Variants in WDFY4 observed in about 807,000 individuals in gnomAD.
WDFY4 encodes WDFY family member 4, also known as WD repeat- and FYVE domain-containing protein 4.
Under a neutral mutation model 351.9 loss-of-function variants are expected in WDFY4, and 169 were observed. That is an observed-to-expected ratio of 0.48 (90% CI 0.42 to 0.55). WDFY4 has a LOEUF of 0.55. Among genes scored for constraint, WDFY4 ranks in the 20% least tolerant of loss-of-function variants. WDFY4 has a pLI of 0.00. For synonymous variants in WDFY4, 1,622 were observed against 1,574.6 expected (o/e 1.03, Z -0.71); for missense variants, 3,803 against 3,935.6 (o/e 0.97, Z 0.90).
chr10:48,888,617 G>A (rs1189965411), intron 43 of WDFY4, among the ~76,000 whole-genome samples: 1 of 152,084 alleles, frequency 6.6e-6, no homozygotes, highest in African/African-American at 2.4e-5. Context: ...AGGTACCTAA[G>A]ACCACCTATG....
At chr10:48,703,876 T>A (rs1352238762) in intron 1 of WDFY4, among the ~76,000 whole-genome samples, 3 of 152,086 alleles carry the variant, frequency 2.0e-5, no homozygotes, top group Non-Finnish European at 4.4e-5. Context: ...ATGCTATGTA[T>A]CCCTGCAGGG....
chr10:48,791,959 T>C (rs2050765638), intron 23 of WDFY4, among the ~76,000 whole-genome samples: 1 of 152,190 alleles, frequency 6.6e-6, no homozygotes, highest in Admixed American at 6.5e-5. Flanking sequence ...ATCACATATC[T>C]GGTGGTGTCC....
At chr10:48,768,025 T>G (rs1250786375) in intron 13 of WDFY4, among the ~76,000 whole-genome samples, 1 of 152,120 alleles carries the variant, frequency 6.6e-6, no homozygotes, top group Non-Finnish European at 1.5e-5. Context: ...TGGGGACTGT[T>G]GTACCAGGGC....
chr10:48,949,252 C>A (rs912668203), intron 51 of WDFY4, among the ~76,000 whole-genome samples: 1 of 152,222 alleles, frequency 6.6e-6, no homozygotes, highest in Admixed American at 6.5e-5. Context: ...CACTTTCTTA[C>A]TTTTAAATGA....
intron 30 of WDFY4, among the ~76,000 whole-genome samples, chr10:48,811,918 C>T (rs1318002105): frequency 6.6e-6 from 1 of 152,196 alleles, no homozygotes; most frequent in East Asian, 1.9e-4. Context: ...GGCCTCTGCT[C>T]CCATCCTTCC....
chr10:48,729,753 T>A (rs915740357), intron 8 of WDFY4, among the ~76,000 whole-genome samples, 164 bp downstream of exon 8: 5 of 152,144 alleles, frequency 3.3e-5, no homozygotes, highest in Non-Finnish European at 7.4e-5. Flanking sequence ...TGGGACTTAG[T>A]GGAAACATTG....
chr10:48,906,392 C>T (rs966893872), intron 47 of WDFY4, among the ~76,000 whole-genome samples: 4 of 152,152 alleles, frequency 2.6e-5, no homozygotes, highest in Non-Finnish European at 5.9e-5. Flanking sequence ...TAAGAAGGCT[C>T]TCTGGGCCTG....
chr10:48,867,440 G>T, intron 40 of WDFY4, 98 bp downstream of exon 40: 1 of 685,140 alleles, frequency 1.5e-6, no homozygotes. Flanking sequence ...GTTCTGGATT[G>T]CTCACCAGGC....
intron 47 of WDFY4, among the ~76,000 whole-genome samples, chr10:48,922,567 T>C (rs1839184541): frequency 6.6e-6 from 1 of 152,232 alleles, no homozygotes; most frequent in South Asian, 2.1e-4. Context: ...TCTCTTACGG[T>C]GCCTAACTCG....
At chr10:48,705,842 C>T (rs1283095781) in intron 1 of WDFY4, among the ~76,000 whole-genome samples, 1 of 152,194 alleles carries the variant, frequency 6.6e-6, no homozygotes, top group East Asian at 1.9e-4. Flanking sequence ...CCATATTCTG[C>T]CTGATGCTCA....
At chr10:48,787,971 TCTTCTTCTTCTTCTCCTTCTC>T (rs2066537318) in intron 20 of WDFY4, among the ~76,000 whole-genome samples, 11 of 92,350 alleles carry the variant, frequency 1.2e-4, no homozygotes, top group Non-Finnish European at 2.1e-4. Context: ...TTCTTCTTCT[TCTTCTTCTTCTTCTCCTTCTC>T]CTTCTCCTTC....
intron 39 of WDFY4, among the ~76,000 whole-genome samples, chr10:48,856,507 G>A (rs2133202233): frequency 6.6e-6 from 1 of 152,052 alleles, no homozygotes. Context: ...TTAAGTTCTG[G>A]AGTTCTGGTG....
At chr10:48,697,814 C>G (rs73304269) in intron 1 of WDFY4, among the ~76,000 whole-genome samples, 38 of 152,300 alleles carry the variant, frequency 2.5e-4, no homozygotes, top group African/African-American at 8.9e-4. Flanking sequence ...ACCCAGAATG[C>G]CAGGTCTAAC....
At position 48,919,468 on chromosome 10, in the gene WDFY4, G is replaced by C. The variant is rs193146289; in HGVS notation, c.7586+17605G>C. ...TTCTATCAAACATTTAAAGAAGACT[G>C]TCTTGGTCCACTCAGGCTACTATAA... On this transcript the variant is annotated intron_variant, in intron 47 of 61. Transcript: ENST00000325239. Among the ~76,000 whole-genome samples the C allele has an allele frequency of 2.1e-3, 327 of 152,334 alleles. 1 individual carries two copies. Among genetic ancestry groups the C allele is most frequent in the African/African-American group, 7.6e-3 (317 of 41,572 alleles).
chr10:48,720,077 G>C lies in WDFY4; in HGVS notation c.301G>C (p.Asp101His), dbSNP rs1356099098. The C allele has an allele frequency of 2.6e-6, 4 of 1,551,736 alleles. No individual in the cohort carries two copies. Among genetic ancestry groups the C allele is most frequent in the Non-Finnish European group, 2.6e-6 (3 of 1,147,004 alleles). ...CCAAAGGCTGGCTGAAGACGTGTCT[G>C]ACCAGCTTGCCCAGCAACTCCAGAA... Reference protein sequence around the residue: ...SLQRLAEDVSDQLAQQLQKAL... With the variant: ...SLQRLAEDVSHQLAQQLQKAL... Residue 101 changes from aspartate (D) to histidine (H), a missense_variant, in exon 3 of 62, where the codon GAC (aspartate) becomes CAC (histidine). Physicochemically the swap from Asp to His is moderately conservative, Grantham distance 81 (BLOSUM62 -1). This residue lies in a region of WDFY4 where 488 missense variants were observed against 456.8 expected (regional missense o/e 1.07). Transcript: ENST00000325239.
Position 48,729,480 on chromosome 10 carries a change from C to T in WDFY4, c.1020C>T (p.Leu340=). Reference sequence around the variant, plus strand: ...AAGTGGACCCGCATCTGGAGGAGCTCCTTGGGCTGGTGGTGTGGCTGACAA... The same window carrying T: ...AAGTGGACCCGCATCTGGAGGAGCTTCTTGGGCTGGTGGTGTGGCTGACAA... ...QSEVDPHLEE[L]LGLVVWLTTC... Residue 340 remains leucine (L), a synonymous_variant, in exon 8 of 62, where the codon CTC becomes CTT. Transcript: ENST00000325239. 6.4e-7 allele frequency: 1 copy of T among 1,551,598 alleles called. No individual in the cohort carries two copies. Among genetic ancestry groups the T allele is most frequent in the African/African-American group, 1.4e-5 (1 of 73,160 alleles).
Position 48,875,139 on chromosome 10 carries a change from A to G in WDFY4, c.6999A>G (p.Gln2333=), listed in dbSNP as rs1382256857. ...DHISQTNAEN[Q]DELTLREAEG... ...TTTCTCAAACAAATGCTGAAAACCAAGGTATTCAGTTTATCTATTTTTTCC... is the reference window on the plus strand; with the variant it reads ...TTTCTCAAACAAATGCTGAAAACCAGGGTATTCAGTTTATCTATTTTTTCC... The change falls in exon 42 of 62, where the codon CAA becomes CAG. Residue 2333 remains glutamine, a splice_region_variant and synonymous_variant. Transcript: ENST00000325239. The G allele has an allele frequency of 1.4e-6, 2 of 1,469,700 alleles. No homozygotes were observed. Among genetic ancestry groups the G allele is most frequent in the African/African-American group, 1.4e-5 (1 of 70,066 alleles). 91.0% of individuals were successfully genotyped at this position (1,469,700 alleles called of 1,614,324 possible). A position where few individuals can be genotyped will look rare whatever the true frequency, so the allele number is the denominator to read the frequency against.
At chr10:48,750,289 C>T (rs1356835677) in intron 12 of WDFY4, among the ~76,000 whole-genome samples, 2 of 152,224 alleles carry the variant, frequency 1.3e-5, no homozygotes, top group African/African-American at 4.8e-5. Context: ...CTGTCGTTCC[C>T]ACTTGGAAGC....
chr10:48,876,936 T>G (rs901702044), intron 42 of WDFY4, 97 bp from the exon 43 acceptor site: 46 of 1,266,708 alleles, frequency 3.6e-5, no homozygotes, highest in Non-Finnish European at 4.4e-5. Flanking sequence ...CCCTGGAGCC[T>G]TGCTGCTCCT....
Sources: gnomAD v4.1 joint callset for allele counts (sites outside exome capture counted in the v4.1 genomes callset) on GRCh38, gnomAD v4.1.1 for gene constraint, gnomAD v4.1.1 regional missense constraint, MANE v1.5 for transcripts, NCBI Gene and HGNC (gene_info 2026-07-23, HGNC 2026-07-21) for gene names.